The following RIPK1 variants were observed in gnomAD, a reference collection of about 807,000 sequenced individuals.
The protein encoded by RIPK1 is receptor interacting serine/threonine kinase 1.
Under a neutral mutation model 62.4 loss-of-function variants are expected in RIPK1, and 27 were observed. The observed-to-expected ratio is 0.43, with a 90% CI of 0.32 to 0.60. RIPK1 has a LOEUF of 0.60. RIPK1 is among the 20% of genes least tolerant of loss of function. The pLI is 0.07. For missense variants in RIPK1, 735 were observed against 831.0 expected (o/e 0.88, Z 1.42); for synonymous variants, 287 against 303.2 (o/e 0.95, Z 0.55).
chr6:3,064,323 C>T (rs1488750356), upstream of RIPK1, among the ~76,000 whole-genome samples: 4 of 152,214 alleles, frequency 2.6e-5, no homozygotes, highest in East Asian at 1.9e-4. Flanking sequence ...CTGGCCGAAG[C>T]CCTCCCCTGC....
chr6:3,064,546 A>G (rs558985659), upstream of RIPK1, among the ~76,000 whole-genome samples: 176 of 152,276 alleles, frequency 1.2e-3, 1 homozygote, highest in African/African-American at 4.1e-3. Flanking sequence ...AGGGACTGAG[A>G]ATCTGCAGAG....
rs143401313 is a variant in RIPK1, at chr6:3,077,119, C to T, written c.164+132C>T. 488 of 755,554 alleles carry T rather than the reference C, an allele frequency of 6.5e-4. 3 individuals are homozygous for T. The African/African-American group carries it at 7.5e-3, about 12-fold the overall frequency. 46.8% of individuals were successfully genotyped at this position (755,554 alleles called of 1,614,324 possible). ...GGAGCCTGCCAAGATGTCAGGGTGACGATGGCTCTTCGGATTGTTATTGTC... is the reference window on the plus strand; with the variant it reads ...GGAGCCTGCCAAGATGTCAGGGTGATGATGGCTCTTCGGATTGTTATTGTC... On this transcript the variant is annotated intron_variant, in intron 2 of 10. Transcript: ENST00000259808.
chr6:3,107,373 G>A (rs190589194), intron 9 of RIPK1, among the ~76,000 whole-genome samples: 18 of 149,372 alleles, frequency 1.2e-4, no homozygotes, highest in African/African-American at 4.2e-4. Flanking sequence ...TGGCTAACAC[G>A]GTGAAACCCC....
chr6:3,081,139 C>T (rs753415614), intron 4 of RIPK1, 23 bp downstream of exon 4: 1 of 1,607,344 alleles, frequency 6.2e-7, no homozygotes, highest in South Asian at 1.1e-5. Context: ...CGGTAGGCTT[C>T]CAGAAAGTTG....
chr6:3,101,433 C>T (rs1455324982), intron 7 of RIPK1, among the ~76,000 whole-genome samples: 1 of 152,000 alleles, frequency 6.6e-6, no homozygotes, highest in Non-Finnish European at 1.5e-5. Context: ...CCTGCCTGGG[C>T]GACAGAGGCA....
At chr6:3,112,986 A>G (rs1761240931) in intron 10 of RIPK1, 67 bp from the exon 11 acceptor site, 2 of 1,381,690 alleles carry the variant, frequency 1.4e-6, no homozygotes, top group Admixed American at 4.8e-5. Context: ...GTTTTTTAGC[A>G]ATTCAGGAAG....
At chr6:3,086,376 C>T (rs1022653915) in intron 6 of RIPK1, among the ~76,000 whole-genome samples, 2 of 152,202 alleles carry the variant, frequency 1.3e-5, no homozygotes, top group Admixed American at 6.5e-5. Context: ...CTAACATTTT[C>T]CCAGAGGGGC....
intron 7 of RIPK1, among the ~76,000 whole-genome samples, chr6:3,096,550 GTTTTTTTTT>G (rs112979664): frequency 2.0e-5 from 2 of 98,450 alleles, no homozygotes; most frequent in African/African-American, 4.0e-5. Context: ...AATATCTCAA[GTTTTTTTTT>G]TTTTTTTTTT....
intron 3 of RIPK1, among the ~76,000 whole-genome samples, chr6:3,080,189 AT>A (rs369660320): frequency 7.5e-4 from 114 of 152,250 alleles, no homozygotes; most frequent in African/African-American, 2.5e-3. Flanking sequence ...TATCATTAAA[AT>A]TTTTTTCCTG....
chr6:3,099,946 A>G (rs568956029), intron 7 of RIPK1, among the ~76,000 whole-genome samples: 1 of 152,338 alleles, frequency 6.6e-6, no homozygotes, highest in East Asian at 1.9e-4. Context: ...AAACAACTCA[A>G]ATGTCCATAA....
rs763047026 is a variant in RIPK1 at position 3,077,943 on chromosome 6, G to C, written c.321+8G>C. On this transcript the variant is annotated splice_region_variant and intron_variant, in intron 3 of 10. Coordinates refer to ENST00000259808, the MANE Select transcript of RIPK1 (RefSeq NM_001354930.2). ...CACGTGCTGAAAGCCGAGGTAGAGAGGGCCCCTCCGCACGGGGATCCCCAG... is the reference window on the plus strand; with the variant it reads ...CACGTGCTGAAAGCCGAGGTAGAGACGGCCCCTCCGCACGGGGATCCCCAG... 4 of 1,613,334 alleles carry C rather than the reference G, an allele frequency of 2.5e-6. No individual in the cohort carries two copies. In the Admixed American group the frequency reaches 6.7e-5, roughly 27 times the overall value.
chr6:3,100,655 A>G (rs1379011351), intron 7 of RIPK1, among the ~76,000 whole-genome samples: 5 of 151,692 alleles, frequency 3.3e-5, no homozygotes, highest in African/African-American at 1.2e-4. Flanking sequence ...CAGTGACACA[A>G]TCTGGGCTCA....
At chr6:3,106,151 C>A in intron 9 of RIPK1, 100 bp downstream of exon 9, 1 of 904,926 alleles carries the variant, frequency 1.1e-6, no homozygotes, top group Non-Finnish European at 1.7e-6. Context: ...ATAATGGGGA[C>A]AGAGGGCATC....
rs2113693812 is a variant in RIPK1, at chr6:3,105,492, G to A, written c.1017G>A (p.Gln339=). 2.6e-6 allele frequency: 4 copies of A among 1,546,956 alleles called. No individual in the cohort carries two copies. Among genetic ancestry groups the A allele is most frequent in the Non-Finnish European group, 2.6e-6 (3 of 1,151,916 alleles). The part of the protein sequence containing the change: ...PSSRSNSATE[Q]PGSLHSSQGL... ...ATCATTTCTTCTCAGCCACAGAACA[G>A]CCTGGTTCACTGCACAGTTCCCAGG... Residue 339 remains glutamine, a synonymous_variant, in exon 9 of 11, where the codon CAG becomes CAA. Transcript: ENST00000259808. The surrounding 1 kb of genome is among the most constrained non-coding windows in gnomAD (Gnocchi z 4.5).
At chr6:3,090,716 T>A (rs1460960558) in intron 7 of RIPK1, among the ~76,000 whole-genome samples, 1 of 151,920 alleles carries the variant, frequency 6.6e-6, no homozygotes, top group Non-Finnish European at 1.5e-5. Flanking sequence ...ACGAACACAC[T>A]TGACGTAACG....
At chr6:3,086,801 T>C (rs1759717811) in intron 6 of RIPK1, among the ~76,000 whole-genome samples, 2 of 152,222 alleles carry the variant, frequency 1.3e-5, no homozygotes, top group Admixed American at 1.3e-4. Context: ...TGGTCATTGG[T>C]GCTTGAGCTT....
At chr6:3,089,678 T>A (rs1036718763) in intron 7 of RIPK1, 21 bp downstream of exon 7, 11 of 1,292,668 alleles carry the variant, frequency 8.5e-6, no homozygotes, top group Non-Finnish European at 1.2e-5. Flanking sequence ...TAGCAGATGC[T>A]CAAAATATTA....
chr6:3,077,551 C>A (rs1243436653), intron 2 of RIPK1, among the ~76,000 whole-genome samples: 3 of 151,580 alleles, frequency 2.0e-5, no homozygotes, highest in African/African-American at 7.3e-5. Flanking sequence ...TCATTCATTC[C>A]TTCATTGATT....
chr6:3,081,375 C>T (rs1030134140), intron 4 of RIPK1, among the ~76,000 whole-genome samples: 13 of 152,072 alleles, frequency 8.5e-5, no homozygotes, highest in African/African-American at 2.9e-4. Context: ...AGACCTCTTT[C>T]CTAGACTGTG....
Sources: allele counts gnomAD v4.1 joint callset (sites outside exome capture counted in the v4.1 genomes callset), GRCh38; gene constraint gnomAD v4.1.1; non-coding constraint Gnocchi (gnomAD v3.1); transcripts MANE v1.5; gene names NCBI Gene and HGNC (gene_info 2026-07-23, HGNC 2026-07-21).